ABCA5: variants seen among roughly 807,000 people sequenced by gnomAD.
ABCA5 encodes ATP binding cassette subfamily A member 5, also known as cholesterol transporter ABCA5.
ABCA5 carries 163 observed loss-of-function variants against 206.0 expected under a neutral mutation model. The ratio of observed to expected loss-of-function variants is 0.79; its 90% CI spans 0.70 to 0.90. The LOEUF (loss-of-function observed/expected upper bound fraction) is 0.90, where lower values mean the gene tolerates loss of function less well. Ranked by LOEUF, ABCA5 falls within the 40% of genes least tolerant of loss-of-function variation. ABCA5 has a pLI of 0.00. For missense variants in ABCA5, 1,859 were observed against 1,912.9 expected (o/e 0.97, Z 0.53); for synonymous variants, 609 against 613.8 (o/e 0.99, Z 0.11).
intron 19 of ABCA5, 77 bp downstream of exon 19, chr17:69,277,564 T>C: frequency 8.6e-7 from 1 of 1,162,382 alleles, no homozygotes; most frequent in African/African-American, 1.6e-5. Context: ...GTTAACATTT[T>C]AAAAATTAAG....
intron 21 of ABCA5, 118 bp downstream of exon 21, chr17:69,271,044 A>G: frequency 7.9e-7 from 1 of 1,266,274 alleles, no homozygotes; most frequent in Non-Finnish European, 1.0e-6. Context: ...AGTTATTTCC[A>G]AAAGTAAAAT....
At chr17:69,271,630 G>T (rs563897693) in intron 20 of ABCA5, among the ~76,000 whole-genome samples, 1 of 151,724 alleles carries the variant, frequency 6.6e-6, no homozygotes, top group Admixed American at 6.6e-5. Context: ...TAGTAACTGC[G>T]CATATTTTAG....
intron 6 of ABCA5, among the ~76,000 whole-genome samples, chr17:69,305,069 A>G (rs1164373361): frequency 1.3e-5 from 2 of 152,184 alleles, no homozygotes; most frequent in Non-Finnish European, 2.9e-5. Context: ...AATGAATAGT[A>G]ATTCATAATT....
At chr17:69,271,041 T>C in intron 21 of ABCA5, 121 bp downstream of exon 21, 3 of 1,227,542 alleles carry the variant, frequency 2.4e-6, no homozygotes, top group Non-Finnish European at 3.3e-6. Flanking sequence ...GCTAGTTATT[T>C]CCAAAAGTAA....
At chr17:69,290,125 A>G in intron 12 of ABCA5, 88 bp from the exon 13 acceptor site, 1 of 885,606 alleles carries the variant, frequency 1.1e-6, no homozygotes, top group Non-Finnish European at 1.6e-6. Context: ...TTATTTGGTT[A>G]TAACAGACAT....
intron 3 of ABCA5, among the ~76,000 whole-genome samples, chr17:69,310,141 C>T (rs946369240): frequency 4.0e-5 from 6 of 151,848 alleles, no homozygotes; most frequent in East Asian, 3.9e-4. Flanking sequence ...AAAATAACTT[C>T]GTTATTTTAT....
intron 7 of ABCA5, among the ~76,000 whole-genome samples, chr17:69,303,377 A>G (rs575349109): frequency 6.6e-6 from 1 of 152,066 alleles, no homozygotes; most frequent in Non-Finnish European, 1.5e-5. Flanking sequence ...CTTGCCTCCC[A>G]AAGTGCTGGG....
chr17:69,274,663 G>A (rs2075310977), intron 19 of ABCA5, among the ~76,000 whole-genome samples: 2 of 151,552 alleles, frequency 1.3e-5, no homozygotes, highest in South Asian at 4.2e-4. Flanking sequence ...AGCCAATACT[G>A]TACGACAAAA....
At chr17:69,310,666 T>A (rs976747689) in intron 3 of ABCA5, among the ~76,000 whole-genome samples, 2 of 152,248 alleles carry the variant, frequency 1.3e-5, no homozygotes, top group African/African-American at 4.8e-5. Flanking sequence ...GACTAATTTT[T>A]AAATATTTTC....
intron 3 of ABCA5, 106 bp from the exon 4 acceptor site, chr17:69,309,529 T>C (rs949670183): frequency 5.7e-6 from 5 of 876,958 alleles, no homozygotes; most frequent in African/African-American, 1.8e-5. Context: ...ATAAACACTT[T>C]TGCTATATTT....
intron 19 of ABCA5, among the ~76,000 whole-genome samples, chr17:69,275,515 A>G (rs1430189772): frequency 2.6e-5 from 4 of 152,210 alleles, no homozygotes; most frequent in Non-Finnish European, 1.5e-5. Context: ...AAGTTCCATA[A>G]TAAGTTAAGA....
At chr17:69,321,921 G>A (rs1009021626) in intron 1 of ABCA5, among the ~76,000 whole-genome samples, 2 of 151,898 alleles carry the variant, frequency 1.3e-5, no homozygotes, top group African/African-American at 4.8e-5. Flanking sequence ...TAATTTACTA[G>A]ATAAAATAAT....
At chr17:69,290,136 A>G (rs2075509924) in intron 12 of ABCA5, 99 bp from the exon 13 acceptor site, 2 of 786,996 alleles carry the variant, frequency 2.5e-6, no homozygotes, top group East Asian at 3.0e-5. Flanking sequence ...TAACAGACAT[A>G]TAAGGTAAAA....
intron 7 of ABCA5, among the ~76,000 whole-genome samples, chr17:69,303,169 G>A (rs1272663558): frequency 6.6e-6 from 1 of 152,150 alleles, no homozygotes; most frequent in Non-Finnish European, 1.5e-5. Flanking sequence ...CCTAGCTGAA[G>A]TGCAGTGGTG....
At chr17:69,293,888 G>T (rs1018253373) in intron 11 of ABCA5, among the ~76,000 whole-genome samples, 3 of 137,408 alleles carry the variant, frequency 2.2e-5, no homozygotes, top group Admixed American at 7.9e-5. Flanking sequence ...GTGTGTGTTT[G>T]TGTGTGTGTG....
chr17:69,257,525 G>A (rs2075097276), intron 28 of ABCA5, among the ~76,000 whole-genome samples: 1 of 152,032 alleles, frequency 6.6e-6, no homozygotes, highest in Non-Finnish European at 1.5e-5. Context: ...ATTGCAGGGA[G>A]TTATAGGAGT....
chr17:69,284,063 G>T lies in ABCA5; in HGVS notation c.2282C>A (p.Ser761Tyr). 6.4e-7 allele frequency: 1 copy of T among 1,562,616 alleles called. No individual in the cohort carries two copies. The highest frequency in any genetic ancestry group is 8.6e-7 in the Non-Finnish European group (1 of 1,159,722). Residue 761 changes from serine to tyrosine, a missense_variant, in exon 18 of 39, where the codon TCT (serine) becomes TAT (tyrosine). Ser to Tyr is a moderately radical substitution (Grantham distance 144). Coordinates refer to ENST00000392676, the MANE Select transcript of ABCA5 (RefSeq NM_172232.4). Reference sequence around the variant, plus strand: ...CAAATTTGAATGACTGTCTAGGGCAGAAAACAAACCTAAAAGAAAAAAATG... The same window carrying T: ...CAAATTTGAATGACTGTCTAGGGCATAAAACAAACCTAAAAGAAAAAAATG... The part of the protein sequence containing the change: ...KDMDKFSGLF[S>Y]ALDSHSNLGV...
chr17:69,247,134 A>G lies in ABCA5; in HGVS notation c.*403T>C, dbSNP rs1224724175. 1 of 152,590 alleles carries G rather than the reference A, an allele frequency of 6.6e-6. No homozygotes were observed. Among genetic ancestry groups the G allele is most frequent in the African/African-American group, 2.4e-5 (1 of 41,478 alleles). The allele number at this position is 152,590 out of a possible 1,614,324, so 9.5% of individuals were successfully genotyped here. A position where few individuals can be genotyped will look rare whatever the true frequency, so the allele number is the denominator to read the frequency against. On this transcript the variant is annotated 3_prime_UTR_variant, in exon 39 of 39. Coordinates refer to ENST00000392676, the MANE Select transcript of ABCA5 (RefSeq NM_172232.4). ...TCACATTGCTTTATGTATCTTTTCT[A>G]TGCATTAGTTATGAATTAGTTTTTT... is the stretch of plus-strand genomic sequence containing the variant.
At position 69,273,320 on chromosome 17, in the gene ABCA5, A is replaced by T. The variant is rs1236120648; in HGVS notation, c.2764+639T>A. ...TTATGTACTACAACTCTTTGTAAAG[A>T]GGGTTTTTCAACTTTTGAAGTATAT... On this transcript the variant is annotated intron_variant, in intron 20 of 38. Transcript: ENST00000392676. 2.6e-5 allele frequency among the ~76,000 whole-genome samples: 4 copies of T among 152,154 alleles called. No individual in the cohort carries two copies. The East Asian group carries it at 7.7e-4, about 29-fold the overall frequency.
Sources: allele counts gnomAD v4.1 joint callset (sites outside exome capture counted in the v4.1 genomes callset), GRCh38; gene constraint gnomAD v4.1.1; transcripts MANE v1.5; gene names NCBI Gene and HGNC (gene_info 2026-07-23, HGNC 2026-07-21).